The following RANBP2 variants were observed in gnomAD, a reference collection of about 807,000 sequenced individuals.
RANBP2 encodes the protein E3 SUMO-protein ligase RanBP2.
Under a neutral mutation model 303.6 loss-of-function variants are expected in RANBP2, and 57 were observed. That is an observed-to-expected ratio of 0.19 (90% CI 0.15 to 0.23). The LOEUF is 0.23. RANBP2 is among the 10% of genes least tolerant of loss of function. RANBP2 has a pLI of 1.00. For missense variants in RANBP2, 3,138 were observed against 3,780.8 expected (o/e 0.83, Z 4.46); for synonymous variants, 1,167 against 1,301.5 (o/e 0.90, Z 2.23).
At chr2:109,079,322 G>A in the RANBP2 span, among the ~76,000 whole-genome samples, 9 of 152,156 alleles carry the variant, frequency 5.9e-5, no homozygotes, top group South Asian at 4.2e-4. Context: ...CTCAATACAC[G>A]TAAGATACAA....
chr2:108,831,853 C>G, the RANBP2 span, among the ~76,000 whole-genome samples: 5 of 152,060 alleles, frequency 3.3e-5, no homozygotes, highest in Non-Finnish European at 7.4e-5. Flanking sequence ...CTGCCTCAGC[C>G]TCCCGAGTAG....
At chr2:108,727,091 C>G (rs1367867789) in intron 1 of RANBP2, among the ~76,000 whole-genome samples, 1 of 152,190 alleles carries the variant, frequency 6.6e-6, no homozygotes, top group African/African-American at 2.4e-5. Context: ...CCTTTCCCGC[C>G]TTTCTATTCC....
At chr2:108,853,330 G>C in the RANBP2 span, among the ~76,000 whole-genome samples, 5 of 152,076 alleles carry the variant, frequency 3.3e-5, no homozygotes, top group African/African-American at 1.2e-4. Context: ...GATTTTTCTA[G>C]AAATATTGGG....
the RANBP2 span, among the ~76,000 whole-genome samples, chr2:108,855,734 G>A: frequency 2.0e-5 from 3 of 152,084 alleles, no homozygotes; most frequent in Admixed American, 2.0e-4. Context: ...CTTCACACAA[G>A]TTATTCTAAA....
At chr2:109,545,427 A>C in the RANBP2 span, 2 of 1,536,078 alleles carry the variant, frequency 1.3e-6, no homozygotes, top group East Asian at 2.4e-5. Flanking sequence ...CATGCTACTC[A>C]TGGCTGCCCC....
chr2:108,749,065 C>T lies in RANBP2; in HGVS notation c.1209C>T (p.Ser403=), dbSNP rs140275032. Residue 403 remains serine (S), a synonymous_variant, in exon 9 of 29, where the codon AGC becomes AGT. Transcript: ENST00000283195. ...CTAAGGATACATCTTTTCTTGGTAG[C>T]GATGATATTGGAAACATTGATGTAC... is the stretch of plus-strand genomic sequence containing the variant. ...QSPKDTSFLG[S]DDIGNIDVRE... is the part of the protein sequence containing the mutation. The T allele has an allele frequency of 1.6e-3, 2,570 of 1,611,680 alleles. 31 individuals carry two copies. The African/African-American group carries it at 0.029, about 18-fold the overall frequency.
chr2:108,767,634 T>C lies in RANBP2; in HGVS notation c.7095T>C (p.Asn2365=). The C allele has an allele frequency of 6.2e-7, 1 of 1,611,934 alleles. No homozygotes were observed. Among genetic ancestry groups the C allele is most frequent in the Non-Finnish European group, 8.5e-7 (1 of 1,179,826 alleles). Residue 2365 remains asparagine, a synonymous_variant, in exon 20 of 29, where the codon AAT becomes AAC. Coordinates refer to ENST00000283195, the MANE Select transcript of RANBP2 (RefSeq NM_006267.5). ...GDIKILQNYD[N]KQVRIVMRRD... ...TAAAGATTTTACAGAATTATGATAA[T>C]AAGCAAGTTCGTATAGTGATGAGAA...
At chr2:108,914,665 A>G in the RANBP2 span, among the ~76,000 whole-genome samples, 1 of 152,352 alleles carries the variant, frequency 6.6e-6, no homozygotes, top group South Asian at 2.1e-4. Context: ...CAGTTTTGCA[A>G]ATAATAAAGC....
the RANBP2 span, among the ~76,000 whole-genome samples, chr2:108,837,532 T>A: frequency 6.6e-6 from 1 of 152,182 alleles, no homozygotes; most frequent in Admixed American, 6.5e-5. Context: ...AAACAGATTA[T>A]AATGGAGCTG....
chr2:109,650,745 T>G, the RANBP2 span, among the ~76,000 whole-genome samples: 2 of 152,204 alleles, frequency 1.3e-5, no homozygotes, highest in African/African-American at 2.4e-5. Flanking sequence ...TTGGCTCTCA[T>G]TCTCTCTTTT....
the RANBP2 span, among the ~76,000 whole-genome samples, chr2:109,636,594 A>G: frequency 2.0e-5 from 3 of 152,182 alleles, no homozygotes; most frequent in African/African-American, 4.8e-5. Flanking sequence ...GACTTCTGCT[A>G]TGAAGGCCAT....
chr2:108,728,285 T>A lies in RANBP2; in HGVS notation c.73-847T>A, dbSNP rs1204534935. Reference sequence around the variant, plus strand: ...CTTGTCTTACTTTCTTGAATTTATTTTTTGTATGTTATGTATTTATTATTT... The same window carrying A: ...CTTGTCTTACTTTCTTGAATTTATTATTTGTATGTTATGTATTTATTATTT... On this transcript the variant is annotated intron_variant, in intron 1 of 28. Transcript: ENST00000283195. Among the ~76,000 whole-genome samples, 7 of 152,304 alleles carry A rather than the reference T, an allele frequency of 4.6e-5. No homozygotes were observed. In the East Asian group the frequency reaches 1.2e-3, roughly 25 times the overall value.
the RANBP2 span, among the ~76,000 whole-genome samples, chr2:109,396,487 G>A: frequency 6.6e-6 from 1 of 152,322 alleles, no homozygotes; most frequent in Admixed American, 6.5e-5. Flanking sequence ...TGATCTGCTC[G>A]GCCTGCACGG....
chr2:109,219,290 C>T, the RANBP2 span, among the ~76,000 whole-genome samples: 2 of 135,642 alleles, frequency 1.5e-5, no homozygotes, highest in Non-Finnish European at 3.1e-5. Flanking sequence ...GTATTATTTC[C>T]AAAACATTTT....
At chr2:108,814,143 A>C in the RANBP2 span, among the ~76,000 whole-genome samples, 3 of 152,214 alleles carry the variant, frequency 2.0e-5, no homozygotes, top group African/African-American at 7.2e-5. Flanking sequence ...CGATAAAGGT[A>C]GATGTATGTT....
the RANBP2 span, among the ~76,000 whole-genome samples, chr2:109,033,416 G>A: frequency 6.6e-6 from 1 of 152,176 alleles, no homozygotes; most frequent in Non-Finnish European, 1.5e-5. Flanking sequence ...TGCACAGAAA[G>A]CCAATCACAG....
chr2:109,560,521 C>T, the RANBP2 span, among the ~76,000 whole-genome samples: 1 of 152,196 alleles, frequency 6.6e-6, no homozygotes, highest in South Asian at 2.1e-4. Flanking sequence ...AGTCTTATCC[C>T]TGGTCACACA....
the RANBP2 span, among the ~76,000 whole-genome samples, chr2:109,352,241 TC>T: frequency 6.6e-6 from 1 of 152,228 alleles, no homozygotes; most frequent in Admixed American, 6.5e-5. Flanking sequence ...AAGTTGCACT[TC>T]CGTCAGATGG....
At chr2:108,850,642 G>A in the RANBP2 span, among the ~76,000 whole-genome samples, 3 of 151,912 alleles carry the variant, frequency 2.0e-5, no homozygotes, top group East Asian at 1.9e-4. Context: ...TAGTAGACAC[G>A]GGGTTTCACC....
Sources: gnomAD v4.1 joint callset for allele counts (sites outside exome capture counted in the v4.1 genomes callset) on GRCh38, gnomAD v4.1.1 for gene constraint, MANE v1.5 for transcripts, NCBI Gene and HGNC (gene_info 2026-07-23, HGNC 2026-07-21) for gene names.